Variants in THSD7A observed in about 807,000 individuals in gnomAD.
THSD7A encodes the protein thrombospondin type 1 domain containing 7A.
A neutral mutation model predicts 231.3 loss-of-function variants in THSD7A; 96 were observed. The ratio of observed to expected loss-of-function variants is 0.41; its 90% CI spans 0.35 to 0.49. The LOEUF is 0.49. THSD7A is among the 20% of genes least tolerant of loss of function. The pLI, the probability that THSD7A is intolerant of heterozygous loss-of-function variation, is 0.05. For synonymous variants in THSD7A, 940 were observed against 743.3 expected (o/e 1.26, Z -4.30); for missense variants, 2,290 against 2,070.2 (o/e 1.11, Z -2.06).
At chr7:11,766,472 C>G (rs1050078106) in intron 1 of THSD7A, among the ~76,000 whole-genome samples, 1 of 146,156 alleles carries the variant, frequency 6.8e-6, no homozygotes, top group Non-Finnish European at 1.5e-5. Flanking sequence ...AACCAATATT[C>G]TCATCTATCA....
intron 4 of THSD7A, among the ~76,000 whole-genome samples, chr7:11,554,235 G>A (rs932433172): frequency 5.3e-5 from 8 of 152,066 alleles, no homozygotes; most frequent in South Asian, 2.1e-4. Flanking sequence ...AGGTCTTACC[G>A]GATTAAGGTG....
intron 15 of THSD7A, among the ~76,000 whole-genome samples, chr7:11,425,230 G>A (rs1784280047): frequency 6.6e-6 from 1 of 152,194 alleles, no homozygotes; most frequent in African/African-American, 2.4e-5. Context: ...ATGATTGAAT[G>A]AAGGATGAGG....
Position 11,637,248 on chromosome 7 carries a change from G to C in THSD7A, c.191-287C>G, listed in dbSNP as rs1781902331. 6.6e-6 allele frequency among the ~76,000 whole-genome samples: 1 copy of C among 152,144 alleles called. No individual in the cohort carries two copies. Among genetic ancestry groups the C allele is most frequent in the Non-Finnish European group, 1.5e-5 (1 of 68,030 alleles). ...TTGTTCATTTCCTTTGTTTTAGGTA[G>C]TTAGAAATCCTTGCTGATAAAGGAC... On this transcript the variant is annotated intron_variant, in intron 1 of 27. Coordinates refer to ENST00000423059, the MANE Select transcript of THSD7A (RefSeq NM_015204.3). The surrounding 1 kb of genome is among the most constrained non-coding windows in gnomAD (Gnocchi z 4.2).
intron 1 of THSD7A, among the ~76,000 whole-genome samples, chr7:11,695,939 C>T (rs1477568365): frequency 6.6e-6 from 1 of 151,370 alleles, no homozygotes; most frequent in Non-Finnish European, 1.5e-5. Flanking sequence ...TGCAGTGGCC[C>T]ATGGTAAATG....
intron 9 of THSD7A, among the ~76,000 whole-genome samples, chr7:11,467,367 G>A (rs1172955614): frequency 1.3e-5 from 2 of 152,084 alleles, no homozygotes; most frequent in African/African-American, 2.4e-5. Context: ...TACATTATCT[G>A]GGCTGTGCAG....
In THSD7A at chr7:11,446,088, C is replaced by T; in HGVS notation, c.3037G>A (p.Val1013Met). 2 of 1,613,296 alleles carry T rather than the reference C, an allele frequency of 1.2e-6. No homozygotes were observed. Among genetic ancestry groups the T allele is most frequent in the Non-Finnish European group, 1.7e-6 (2 of 1,179,508 alleles). The change falls in exon 13 of 28, where the codon GTG (valine) becomes ATG (methionine). Residue 1013 changes from valine to methionine, a missense_variant. Transcript: ENST00000423059. The surrounding 1 kb of genome is among the most constrained non-coding windows in gnomAD (Gnocchi z 4.0). Reference sequence around the variant, plus strand: ...TGGCTGTTACATCTAGATGTTTCCACAAGCCTGCCATTTTGATCGTAGCAT... The same window carrying T: ...TGGCTGTTACATCTAGATGTTTCCATAAGCCTGCCATTTTGATCGTAGCAT... The part of the protein sequence containing the change: ...MACYDQNGRL[V>M]ETSRCNSHGY...
Position 11,831,894 on chromosome 7 carries a change from G to A in THSD7A, c.53C>T (p.Pro18Leu). Residue 18 changes from proline (P) to leucine (L), a missense_variant, in exon 1 of 28, where the codon CCG becomes CTG. Pro to Leu is a moderately conservative substitution (Grantham distance 98). Transcript: ENST00000423059. The surrounding 1 kb of genome is among the most constrained non-coding windows in gnomAD (Gnocchi z 5.0). ...WASGSRGAAG[P>L]RRGVLQLLPL... ...CAGCAGCTGCAGGACGCCCCGGCGC[G>A]GCCCCGCAGCGCCCCGGCTCCCGGA... The A allele has an allele frequency of 8.1e-7, 1 of 1,241,846 alleles. No homozygotes were observed. The allele number at this position is 1,241,846 out of a possible 1,614,324, so 76.9% of individuals were successfully genotyped here. A position where few individuals can be genotyped will look rare whatever the true frequency, so the allele number is the denominator to read the frequency against.
chr7:11,655,609 T>C (rs1160953967), intron 1 of THSD7A, among the ~76,000 whole-genome samples: 1 of 151,814 alleles, frequency 6.6e-6, no homozygotes, highest in Non-Finnish European at 1.5e-5. Context: ...CATAGAACAA[T>C]TTGAAAACTA....
chr7:11,383,334 G>C (rs958797032), intron 23 of THSD7A, among the ~76,000 whole-genome samples: 5 of 151,860 alleles, frequency 3.3e-5, no homozygotes, highest in Non-Finnish European at 7.4e-5. Flanking sequence ...GAATTCCATT[G>C]TACTACATAA....
At chr7:11,547,484 G>A (rs962113315) in intron 4 of THSD7A, among the ~76,000 whole-genome samples, 3 of 152,182 alleles carry the variant, frequency 2.0e-5, no homozygotes, top group South Asian at 2.1e-4. Flanking sequence ...TAAACTTCAC[G>A]CTTGATCAAA....
intron 1 of THSD7A, among the ~76,000 whole-genome samples, chr7:11,691,701 G>A (rs1448324841): frequency 1.3e-5 from 2 of 151,208 alleles, no homozygotes; most frequent in Admixed American, 6.6e-5. Context: ...TATTTTGGAT[G>A]AGTAAATATG....
In THSD7A at chr7:11,546,852, G is replaced by A. The variant is rs529789261; in HGVS notation, c.1454-3735C>T. On this transcript the variant is annotated intron_variant, in intron 4 of 27. Coordinates refer to ENST00000423059, the MANE Select transcript of THSD7A (RefSeq NM_015204.3). The stretch of plus-strand genomic sequence containing the variant: ...TAAAAAGATGAAATAGCTTTTTTAA[G>A]AAAAAAAACAAACTGATCTAATAGA... Among the ~76,000 whole-genome samples the A allele has an allele frequency of 2.0e-5, 3 of 151,412 alleles. No individual in the cohort carries two copies. The South Asian group carries it at 6.3e-4, about 32-fold the overall frequency.
intron 1 of THSD7A, among the ~76,000 whole-genome samples, chr7:11,676,663 A>C (rs1052908183): frequency 2.0e-5 from 3 of 152,160 alleles, no homozygotes; most frequent in Non-Finnish European, 4.4e-5. Flanking sequence ...GGAAGAAAGG[A>C]TATCAGAGAT....
chr7:11,668,376 C>T (rs1050356031), intron 1 of THSD7A, among the ~76,000 whole-genome samples: 6 of 151,592 alleles, frequency 4.0e-5, no homozygotes, highest in African/African-American at 1.5e-4. Flanking sequence ...CAAGATCGTG[C>T]CATTGCACTC....
At chr7:11,486,446 G>T (rs898957833) in intron 6 of THSD7A, among the ~76,000 whole-genome samples, 4 of 152,150 alleles carry the variant, frequency 2.6e-5, no homozygotes, top group African/African-American at 9.7e-5. Context: ...CCCACAGTTA[G>T]GACATATTCA....
At chr7:11,537,634 G>A (rs902180216) in intron 6 of THSD7A, among the ~76,000 whole-genome samples, 26 of 130,496 alleles carry the variant, frequency 2.0e-4, no homozygotes, top group Non-Finnish European at 6.3e-5. Flanking sequence ...CCTGTACAGC[G>A]CCATGCTTCC....
intron 1 of THSD7A, among the ~76,000 whole-genome samples, chr7:11,747,938 A>G (rs1442946007): frequency 6.6e-6 from 1 of 151,998 alleles, no homozygotes; most frequent in Non-Finnish European, 1.5e-5. Context: ...CAATTTTTGC[A>G]TGACAGAATG....
intron 1 of THSD7A, among the ~76,000 whole-genome samples, chr7:11,767,862 G>T (rs1040727530): frequency 6.6e-6 from 1 of 152,150 alleles, no homozygotes; most frequent in Non-Finnish European, 1.5e-5. Flanking sequence ...CAGCATAAAA[G>T]AGTATCAGTC....
intron 6 of THSD7A, among the ~76,000 whole-genome samples, chr7:11,522,803 C>T (rs10216130): frequency 0.25 from 37,383 of 151,890 alleles, 5,493 homozygotes; most frequent in African/African-American, 0.41. Flanking sequence ...CACTATAATA[C>T]GAAAGTACAT....
Sources: allele counts gnomAD v4.1 joint callset (sites outside exome capture counted in the v4.1 genomes callset), GRCh38; gene constraint gnomAD v4.1.1; non-coding constraint Gnocchi (gnomAD v3.1); transcripts MANE v1.5; gene names NCBI Gene and HGNC (gene_info 2026-07-23, HGNC 2026-07-21).